EVPLL: variants seen among roughly 807,000 people sequenced by gnomAD.
EVPLL encodes the protein envoplakin like, also known as envoplakin-like protein.
Under a neutral mutation model 46.2 loss-of-function variants are expected in EVPLL, and 39 were observed. The observed-to-expected ratio is 0.84, with a 90% CI of 0.65 to 1.10. EVPLL has a LOEUF of 1.10. Ranked by LOEUF, EVPLL falls within the 50% of genes least tolerant of loss-of-function variation. EVPLL has a pLI of 0.00. For missense variants in EVPLL, 385 were observed against 412.6 expected, an observed-to-expected ratio of 0.93 and a Z score of 0.58; for synonymous variants, 156 against 165.8, an observed-to-expected ratio of 0.94 and a Z score of 0.46.
chr17:18,385,013 G>T (rs1290437490), intron 9 of EVPLL, among the ~76,000 whole-genome samples: 1 of 151,798 alleles, frequency 6.6e-6, no homozygotes, highest in African/African-American at 2.4e-5. Flanking sequence ...AGGGGCAAGA[G>T]ATGACAAGAG....
chr17:18,382,995 C>T, intron 6 of EVPLL, 30 bp from the exon 7 acceptor site: 1 of 1,561,212 alleles, frequency 6.4e-7, no homozygotes. Context: ...CTCTCCCCAC[C>T]CTGCTGCTGG....
At chr17:18,379,944 C>G (rs990938244) in intron 1 of EVPLL, 3 of 152,336 alleles carry the variant, frequency 2.0e-5, no homozygotes, top group Non-Finnish European at 4.4e-5. Flanking sequence ...CAAGGTCACA[C>G]AGCATTAATG....
chr17:18,384,296 G>T (rs1212597274), intron 9 of EVPLL, among the ~76,000 whole-genome samples: 2 of 151,904 alleles, frequency 1.3e-5, no homozygotes, highest in Non-Finnish European at 2.9e-5. Context: ...GGGAGATCTT[G>T]TTTCTATAAA....
intron 1 of EVPLL, chr17:18,380,667 G>A: frequency 4.5e-6 from 2 of 449,392 alleles, no homozygotes; most frequent in East Asian, 7.2e-5. Context: ...CTGACACCCA[G>A]CACCACACAG....
At chr17:18,382,772 C>T (rs1469761653) in intron 5 of EVPLL, 54 bp from the exon 6 acceptor site, 1 of 1,583,886 alleles carries the variant, frequency 6.3e-7, no homozygotes, top group African/African-American at 1.3e-5. Context: ...CTTAGGGGGC[C>T]GTCTCCCTGT....
chr17:18,382,971 G>T, intron 6 of EVPLL, 54 bp from the exon 7 acceptor site: 2 of 1,567,362 alleles, frequency 1.3e-6, no homozygotes, highest in South Asian at 2.3e-5. Flanking sequence ...GGCGCCTTTT[G>T]CCCCCCACTT....
Position 18,377,937 on chromosome 17 carries a change from TC to T in EVPLL, c.-79del, listed in dbSNP as rs1987435085. The T allele has an allele frequency of 1.8e-6, 2 of 1,103,044 alleles. No individual in the cohort carries two copies. Among genetic ancestry groups the T allele is most frequent in the Non-Finnish European group, 1.3e-6 (1 of 799,250 alleles). 68.3% of individuals were successfully genotyped at this position (1,103,044 alleles called of 1,614,324 possible). On this transcript the variant is annotated 5_prime_UTR_variant, in exon 1 of 11. The change abolishes the stop of an existing upstream ORF in the 5' untranslated region. Coordinates refer to ENST00000399134, the MANE Select transcript of EVPLL (RefSeq NM_001145127.2). Reference sequence around the variant, plus strand: ...CCAGGGGAAGGGGTCCCCCAAGGACTCCCCAGCCAAGGGGTCCCCCAAAGGC... The same window carrying T: ...CCAGGGGAAGGGGTCCCCCAAGGACTCCCAGCCAAGGGGTCCCCCAAAGGC...
Position 18,381,682 on chromosome 17 carries a change from C to T in EVPLL, c.298C>T (p.Arg100Ter), listed in dbSNP as rs1175817030. Reference protein sequence around the residue: ...ALYEKMVLPPRRGIQGRLGTR... With the variant: ...ALYEKMVLPP ...GTACGAGAAGATGGTGCTGCCGCCC[C>T]GACGTGGGATCCAAGGTCGACTGGG... is the stretch of plus-strand genomic sequence containing the variant. Residue 100 changes from arginine (R) to a stop codon, truncating the protein, a stop_gained, in exon 4 of 11, where the codon CGA (arginine) becomes TGA (stop). Coordinates refer to ENST00000399134, the MANE Select transcript of EVPLL (RefSeq NM_001145127.2). LOFTEE classifies it high-confidence loss of function. The surrounding 1 kb of genome is among the most constrained non-coding windows in gnomAD (Gnocchi z 4.2). The T allele has an allele frequency of 5.6e-6, 9 of 1,614,018 alleles. No individual in the cohort carries two copies. Among genetic ancestry groups the T allele is most frequent in the South Asian group, 1.1e-5 (1 of 91,086 alleles).
chr17:18,388,585 TTG>T (rs1305819837), intron 10 of EVPLL: 1 of 193,480 alleles, frequency 5.2e-6, no homozygotes, highest in Non-Finnish European at 1.1e-5. Context: ...CCAGAGGACC[TTG>T]TGGCACAAGC....
Position 18,383,548 on chromosome 17 carries a change from C to T in EVPLL, c.837C>T (p.Cys279=). The T allele has an allele frequency of 6.4e-7, 1 of 1,568,908 alleles. No homozygotes were observed. The highest frequency in any genetic ancestry group is 8.6e-7 in the Non-Finnish European group (1 of 1,158,064). ...AGAACTTCCTGAACCTGTGCATCTG[C>T]CAGGAGACCCAGCTCCAGCACGTGG... The part of the protein sequence containing the change: ...EWQNFLNLCI[C]QETQLQHVED... Residue 279 remains cysteine, a synonymous_variant, in exon 9 of 11, where the codon TGC becomes TGT. Coordinates refer to ENST00000399134, the MANE Select transcript of EVPLL (RefSeq NM_001145127.2).
chr17:18,384,104 C>T (rs1046935842), intron 9 of EVPLL, among the ~76,000 whole-genome samples: 3 of 152,152 alleles, frequency 2.0e-5, no homozygotes, highest in Non-Finnish European at 4.4e-5. Context: ...AGAAAAGTAA[C>T]TGTTTTTATG....
intron 9 of EVPLL, 126 bp downstream of exon 9, chr17:18,383,713 C>T (rs1365596800): frequency 2.0e-5 from 17 of 836,548 alleles, no homozygotes; most frequent in Non-Finnish European, 9.4e-6. Context: ...TGGCTCACAC[C>T]TGTAATCCCA....
intron 1 of EVPLL, chr17:18,380,348 C>T (rs1567809896): frequency 6.5e-6 from 1 of 153,574 alleles, no homozygotes; most frequent in African/African-American, 2.4e-5. Flanking sequence ...GCCCAGCAGT[C>T]TCTTGCGCCT....
In EVPLL at chr17:18,383,330, C is replaced by G; in HGVS notation, c.732C>G (p.Asp244Glu). ...QEQSVNQLEE[D>E]GKRMVELRHP... ...AGAGCGTAAACCAGCTGGAGGAGGA[C>G]GGCAAGCGCATGGTGGAGCTGCGGC... Residue 244 changes from aspartate (D) to glutamate (E), a missense_variant, in exon 8 of 11, where the codon GAC becomes GAG. Asp to Glu is a conservative substitution (Grantham distance 45). Transcript: ENST00000399134. 1 of 1,601,894 alleles carries G rather than the reference C, an allele frequency of 6.2e-7. No homozygotes were observed. Among genetic ancestry groups the G allele is most frequent in the Non-Finnish European group, 8.5e-7 (1 of 1,175,000 alleles).
chr17:18,379,029 G>A (rs113939344), intron 1 of EVPLL, among the ~76,000 whole-genome samples: 14,296 of 152,208 alleles, frequency 0.094, 789 homozygotes, highest in East Asian at 0.17. Context: ...GCAGTGAGCC[G>A]TGATCACTCA....
In EVPLL at chr17:18,379,215, C is replaced by G. The variant is rs1987481332; in HGVS notation, c.-37+1232C>G. ...TGTGGATGGATTGGGTGGCGCTCTT[C>G]CCACTCACTGGCTTCAGCTCATCTG... On this transcript the variant is annotated intron_variant, in intron 1 of 10. Coordinates refer to ENST00000399134, the MANE Select transcript of EVPLL (RefSeq NM_001145127.2). 3.9e-5 allele frequency among the ~76,000 whole-genome samples: 6 copies of G among 152,236 alleles called. 1 individual carries two copies. The South Asian group carries it at 1.0e-3, about 26-fold the overall frequency.
chr17:18,386,433 TG>T (rs1269812487), intron 9 of EVPLL: 2 of 25,512 alleles, frequency 7.8e-5, no homozygotes, highest in African/African-American at 4.5e-4. Context: ...AGGCCCTCCC[TG>T]AGGCCACCTC....
chr17:18,381,484 C>T lies in EVPLL; in HGVS notation c.181C>T (p.Arg61Trp), dbSNP rs773584740. 1.9e-6 allele frequency: 3 copies of T among 1,613,860 alleles called. No individual in the cohort carries two copies. Among genetic ancestry groups the T allele is most frequent in the Non-Finnish European group, 2.5e-6 (3 of 1,179,964 alleles). Reference protein sequence around the residue: ...DLFLDVDKARRLKHPQAEETE... With the variant: ...DLFLDVDKARWLKHPQAEETE... The stretch of plus-strand genomic sequence containing the variant: ...CTTCCTGGACGTGGACAAGGCCCGG[C>T]GGCTCAAGCACCCGCAGGCTGAGGA... Residue 61 changes from arginine to tryptophan, a missense_variant, in exon 3 of 11, where the codon CGG becomes TGG. Coordinates refer to ENST00000399134, the MANE Select transcript of EVPLL (RefSeq NM_001145127.2). The surrounding 1 kb of genome is among the most constrained non-coding windows in gnomAD (Gnocchi z 4.2).
At position 18,388,220 on chromosome 17, in the gene EVPLL, T is replaced by C. The variant is rs1158727883; in HGVS notation, c.878T>C (p.Ile293Thr). 1 of 1,443,280 alleles carries C rather than the reference T, an allele frequency of 6.9e-7. No homozygotes were observed. The highest frequency in any genetic ancestry group is 9.5e-7 in the Non-Finnish European group (1 of 1,049,518). The allele number at this position is 1,443,280 out of a possible 1,614,324, so 89.4% of individuals were successfully genotyped here. The change falls in exon 10 of 11, where the codon ATT becomes ACT. Residue 293 changes from isoleucine (I) to threonine (T), a missense_variant and splice_region_variant. Transcript: ENST00000399134. ...CTTTTGTTTTCTTTCTTTCCACAGATTCTGTGTCCATCTTCCTCTCCTCAT... is the reference window on the plus strand; with the variant it reads ...CTTTTGTTTTCTTTCTTTCCACAGACTCTGTGTCCATCTTCCTCTCCTCAT... ...QLQHVEDYSR[I>T]LCPSSSPH
Sources: gnomAD v4.1 joint callset for allele counts (sites outside exome capture counted in the v4.1 genomes callset) on GRCh38, gnomAD v4.1.1 for gene constraint, Gnocchi (gnomAD v3.1) non-coding constraint, MANE v1.5 for transcripts, NCBI Gene and HGNC (gene_info 2026-07-23, HGNC 2026-07-21) for gene names.